The following NIPAL2 variants were observed in gnomAD, a reference collection of about 807,000 sequenced individuals.
The protein encoded by NIPAL2 is NIPA-like protein 2.
NIPAL2 carries 43 observed loss-of-function variants against 48.9 expected under a neutral mutation model. That is an observed-to-expected ratio of 0.88 (90% CI 0.69 to 1.13). The LOEUF is 1.13. Among genes scored for constraint, NIPAL2 ranks in the 50% most tolerant of loss-of-function variants. The probability of loss-of-function intolerance (pLI) is 0.00; values close to 1 mark genes in which losing one functional copy is unlikely to be tolerated. For missense variants in NIPAL2, 446 were observed against 461.4 expected (o/e 0.97, Z 0.31); for synonymous variants, 167 against 174.6 (o/e 0.96, Z 0.34).
intron 6 of NIPAL2, 98 bp downstream of exon 6, chr8:98,212,307 A>G (rs1811356373): frequency 1.6e-6 from 1 of 616,944 alleles, no homozygotes. Flanking sequence ...AATATAAACC[A>G]TGAGAAAGGA....
chr8:98,205,280 C>T, intron 6 of NIPAL2, 34 bp from the exon 7 acceptor site: 3 of 1,572,522 alleles, frequency 1.9e-6, no homozygotes, highest in Non-Finnish European at 2.6e-6. Context: ...AAATAAAGAA[C>T]ATATTTCAGA....
chr8:98,286,763 C>T (rs759028624), intron 1 of NIPAL2, among the ~76,000 whole-genome samples: 8 of 139,340 alleles, frequency 5.7e-5, no homozygotes, highest in Non-Finnish European at 1.2e-4. Flanking sequence ...GAGCTGAGAT[C>T]ATACAACTGC....
chr8:98,217,363 G>T, intron 5 of NIPAL2: 1 of 587,654 alleles, frequency 1.7e-6, no homozygotes, highest in Non-Finnish European at 2.1e-6. Flanking sequence ...CCTTTTGTGA[G>T]AAATATAAAA....
In NIPAL2 at chr8:98,191,361, T is replaced by C. The variant is rs542945882; in HGVS notation, c.*1617A>G. ...AATACACCATAAATTATGACTGCTT[T>C]ATCTGAATGCATGGGACACTTGCTA... On this transcript the variant is annotated 3_prime_UTR_variant, in exon 11 of 11. Coordinates refer to ENST00000430223, the MANE Select transcript of NIPAL2 (RefSeq NM_001321635.2). The C allele has an allele frequency of 3.9e-5, 6 of 152,364 alleles. No homozygotes were observed. The East Asian group carries it at 1.2e-3, about 29-fold the overall frequency. The allele number at this position is 152,364 out of a possible 1,614,324, so 9.4% of individuals were successfully genotyped here.
chr8:98,270,631 A>AT (rs1010457766), intron 1 of NIPAL2, among the ~76,000 whole-genome samples: 15 of 151,740 alleles, frequency 9.9e-5, no homozygotes, highest in African/African-American at 3.6e-4. Flanking sequence ...GTTTGCAAGT[A>AT]TTTTTTTCTT....
chr8:98,264,362 A>G lies in NIPAL2; in HGVS notation c.136-10275T>C, dbSNP rs1217433873. 4.3e-5 allele frequency among the ~76,000 whole-genome samples: 6 copies of G among 138,350 alleles called. No homozygotes were observed. The East Asian group carries it at 8.5e-4, about 20-fold the overall frequency. 90.8% of individuals were successfully genotyped at this position (138,350 alleles called of 152,430 possible). Reference sequence around the variant, plus strand: ...ATTGTCCCTGTTTGCAGACGACATGATTGTATATCTAGAAAACCCCATTGT... The same window carrying G: ...ATTGTCCCTGTTTGCAGACGACATGGTTGTATATCTAGAAAACCCCATTGT... On this transcript the variant is annotated intron_variant, in intron 1 of 10. Transcript: ENST00000430223.
At chr8:98,232,453 G>A (rs1171856095) in intron 4 of NIPAL2, among the ~76,000 whole-genome samples, 2 of 152,168 alleles carry the variant, frequency 1.3e-5, no homozygotes, top group Non-Finnish European at 2.9e-5. Context: ...TTAATTAGTA[G>A]AGTACAGTGG....
In NIPAL2 at chr8:98,292,794, T is replaced by C. The variant is rs143678213; in HGVS notation, c.135+1209A>G. On this transcript the variant is annotated intron_variant, in intron 1 of 10. Coordinates refer to ENST00000430223, the MANE Select transcript of NIPAL2 (RefSeq NM_001321635.2). ...CTTAAACTTATATTGGGAATACTTC[T>C]AATAAAAGAATAATATAATAGATAG... 1.8e-3 allele frequency among the ~76,000 whole-genome samples: 267 copies of C among 152,052 alleles called. 3 individuals are homozygous for C. The East Asian group carries it at 0.045, about 25-fold the overall frequency.
At position 98,256,964 on chromosome 8, in the gene NIPAL2, C is replaced by T. The variant is rs146089984; in HGVS notation, c.136-2877G>A. On this transcript the variant is annotated intron_variant, in intron 1 of 10. Coordinates refer to ENST00000430223, the MANE Select transcript of NIPAL2 (RefSeq NM_001321635.2). The stretch of plus-strand genomic sequence containing the variant: ...TACATATATATAATGGAATATTATT[C>T]AGCCTTAAAAAGGAAGGAAATTTCA... Among the ~76,000 whole-genome samples, 150 of 152,250 alleles carry T rather than the reference C, an allele frequency of 9.9e-4. 1 individual carries two copies. Among genetic ancestry groups the T allele is most frequent in the African/African-American group, 3.1e-3 (130 of 41,544 alleles).
intron 6 of NIPAL2, among the ~76,000 whole-genome samples, chr8:98,210,933 C>A (rs1187783062): frequency 1.3e-5 from 2 of 152,156 alleles, no homozygotes; most frequent in Non-Finnish European, 2.9e-5. Flanking sequence ...CACTTCGCAA[C>A]CTGCAAGGGC....
intron 1 of NIPAL2, among the ~76,000 whole-genome samples, chr8:98,259,244 T>A (rs1383341142): frequency 6.6e-6 from 1 of 150,674 alleles, no homozygotes; most frequent in East Asian, 1.9e-4. Flanking sequence ...GCCCGGCTAA[T>A]TTTTGTATTT....
intron 3 of NIPAL2, among the ~76,000 whole-genome samples, chr8:98,236,594 G>T (rs1183455193): frequency 6.6e-6 from 1 of 152,094 alleles, no homozygotes; most frequent in Non-Finnish European, 1.5e-5. Flanking sequence ...AGGGTGCAGT[G>T]GATCATGCCT....
At chr8:98,273,039 T>C (rs1165909644) in intron 1 of NIPAL2, among the ~76,000 whole-genome samples, 1 of 152,224 alleles carries the variant, frequency 6.6e-6, no homozygotes, top group Admixed American at 6.5e-5. Context: ...AAATAAAGCA[T>C]ATGTTCACAT....
chr8:98,214,119 G>A (rs557824024), intron 5 of NIPAL2, among the ~76,000 whole-genome samples: 7 of 151,738 alleles, frequency 4.6e-5, no homozygotes, highest in African/African-American at 1.7e-4. Flanking sequence ...CTGTCCTTAA[G>A]AACTTTAGTG....
chr8:98,243,219 C>T (rs1360525837), intron 3 of NIPAL2, among the ~76,000 whole-genome samples: 4 of 152,194 alleles, frequency 2.6e-5, no homozygotes, highest in African/African-American at 9.7e-5. Context: ...TGTGGACTGA[C>T]TCCTATTGGT....
At chr8:98,281,464 T>C (rs1815826555) in intron 1 of NIPAL2, among the ~76,000 whole-genome samples, 1 of 152,142 alleles carries the variant, frequency 6.6e-6, no homozygotes, top group African/African-American at 2.4e-5. Context: ...ATAACTTAAA[T>C]GTGCCTTTAA....
rs1412886589 is a variant in NIPAL2 at position 98,294,126 on chromosome 8, C to A, written c.12G>T (p.Val4=). The change falls in exon 1 of 11, where the codon GTG becomes GTT. Residue 4 remains valine (V), a synonymous_variant. Coordinates refer to ENST00000430223, the MANE Select transcript of NIPAL2 (RefSeq NM_001321635.2). ...CGGAGTCCCCGGGGCCCGCGGGCGCCACCGCTGCCATGAGGTCTCGCTCCC... is the reference window on the plus strand; with the variant it reads ...CGGAGTCCCCGGGGCCCGCGGGCGCAACCGCTGCCATGAGGTCTCGCTCCC... MAA[V]APAGPGDSAS... is the part of the protein sequence containing the mutation. 2 of 1,463,822 alleles carry A rather than the reference C, an allele frequency of 1.4e-6. No individual in the cohort carries two copies. The highest frequency in any genetic ancestry group is 2.7e-5 in the South Asian group (2 of 74,614). 90.7% of individuals were successfully genotyped at this position (1,463,822 alleles called of 1,614,324 possible). A position where few individuals can be genotyped will look rare whatever the true frequency, so the allele number is the denominator to read the frequency against.
chr8:98,242,330 C>G (rs1426467283), intron 3 of NIPAL2, among the ~76,000 whole-genome samples: 1 of 151,892 alleles, frequency 6.6e-6, no homozygotes, highest in Non-Finnish European at 1.5e-5. Context: ...TAGGCAATAC[C>G]GTGTACTAAC....
At chr8:98,253,821 C>A (rs1813728152) in intron 2 of NIPAL2, among the ~76,000 whole-genome samples, 198 bp downstream of exon 2, 1 of 152,030 alleles carries the variant, frequency 6.6e-6, no homozygotes, top group South Asian at 2.1e-4. Flanking sequence ...CTTTTAAAAT[C>A]AGAAGAAGAA....
Sources: allele counts gnomAD v4.1 joint callset (sites outside exome capture counted in the v4.1 genomes callset), GRCh38; gene constraint gnomAD v4.1.1; transcripts MANE v1.5; gene names NCBI Gene and HGNC (gene_info 2026-07-23, HGNC 2026-07-21).